Variants in LRRC7 observed in about 807,000 individuals in gnomAD.
LRRC7 encodes the protein leucine-rich repeat-containing protein 7.
A neutral mutation model predicts 175.7 loss-of-function variants in LRRC7; 23 were observed. The observed-to-expected ratio is 0.13, with a 90% CI of 0.09 to 0.19. LRRC7 has a LOEUF of 0.19. Among genes scored for constraint, LRRC7 ranks in the 10% least tolerant of loss-of-function variants. The probability of loss-of-function intolerance (pLI) is 1.00; values close to 1 mark genes in which losing one functional copy is unlikely to be tolerated. For missense variants in LRRC7, 1,354 were observed against 1,904.7 expected (o/e 0.71, Z 5.38); for synonymous variants, 685 against 680.9 (o/e 1.01, Z -0.09).
At chr1:69,935,282 AT>A (rs962791340) in intron 8 of LRRC7, among the ~76,000 whole-genome samples, 2 of 152,034 alleles carry the variant, frequency 1.3e-5, no homozygotes, top group African/African-American at 4.8e-5. Context: ...GAAGGACCTA[AT>A]TTCCTTATCC....
intron 25 of LRRC7, 101 bp from the exon 26 acceptor site, chr1:70,107,651 T>G (rs1665236443): frequency 1.2e-6 from 1 of 822,534 alleles, no homozygotes; most frequent in South Asian, 1.5e-5. Context: ...ATAAACTGTT[T>G]CTGGATCTGT....
intron 7 of LRRC7, among the ~76,000 whole-genome samples, chr1:69,907,712 C>T (rs1368151342): frequency 3.9e-5 from 6 of 152,162 alleles, no homozygotes; most frequent in African/African-American, 1.4e-4. Flanking sequence ...GGACACTGGT[C>T]TAAAATTCTC....
chr1:69,744,959 T>C (rs1466089011), intron 2 of LRRC7, among the ~76,000 whole-genome samples: 1 of 151,910 alleles, frequency 6.6e-6, no homozygotes, highest in African/African-American at 2.4e-5. Context: ...TACATGGTTC[T>C]CTTATAATGG....
chr1:69,606,573 A>C (rs755141516), intron 1 of LRRC7, among the ~76,000 whole-genome samples: 7 of 152,160 alleles, frequency 4.6e-5, no homozygotes, highest in Non-Finnish European at 8.8e-5. Context: ...GTTTTAAATT[A>C]GTATATGAAA....
chr1:69,700,254 G>A (rs1663176247), intron 2 of LRRC7, among the ~76,000 whole-genome samples: 1 of 152,076 alleles, frequency 6.6e-6, no homozygotes, highest in Non-Finnish European at 1.5e-5. Flanking sequence ...GTGTAACTCA[G>A]GCAAGTCACT....
chr1:69,655,447 C>T (rs1656470964), intron 1 of LRRC7, among the ~76,000 whole-genome samples: 1 of 151,898 alleles, frequency 6.6e-6, no homozygotes. Flanking sequence ...ATCCATATTA[C>T]AAGCAGAAAG....
At chr1:69,839,430 A>G (rs1681481826) in intron 7 of LRRC7, among the ~76,000 whole-genome samples, 1 of 152,106 alleles carries the variant, frequency 6.6e-6, no homozygotes, top group Non-Finnish European at 1.5e-5. Flanking sequence ...CCTTTCTCTA[A>G]GCTAAAGCAT....
chr1:70,122,509 T>C lies in LRRC7; in HGVS notation c.*622T>C, dbSNP rs577257281. On this transcript the variant is annotated 3_prime_UTR_variant, in exon 27 of 27. Transcript: ENST00000651989. Reference sequence around the variant, plus strand: ...GTACATATGGTATAAAGTGTTTATATTTGGTTCCATATTCATTTGCTAAAT... The same window carrying C: ...GTACATATGGTATAAAGTGTTTATACTTGGTTCCATATTCATTTGCTAAAT... 2 of 152,200 alleles carry C rather than the reference T, an allele frequency of 1.3e-5. No homozygotes were observed. The highest frequency in any genetic ancestry group is 2.9e-5 in the Non-Finnish European group (2 of 67,924). The allele number at this position is 152,200 out of a possible 1,614,324, so 9.4% of individuals were successfully genotyped here.
intron 11 of LRRC7, 25 bp downstream of exon 11, chr1:69,994,658 T>C: frequency 6.5e-7 from 1 of 1,549,036 alleles, no homozygotes. Context: ...TTCATTCCAG[T>C]CTGCCTCTCA....
rs1339289844 is a variant in LRRC7 at position 70,076,077 on chromosome 1, G to A, written c.4231G>A (p.Ala1411Thr). 5.0e-6 allele frequency: 8 copies of A among 1,613,138 alleles called. No homozygotes were observed. The highest frequency in any genetic ancestry group is 6.8e-6 in the Non-Finnish European group (8 of 1,179,904). ...GCCTGACAGATTATCTTCTCCACAG[G>A]CAGGCAGCCACATCCAGACGTTGAT... ...DVPPDTITKK[A>T]GSHIQTLMGS... is the part of the protein sequence containing the mutation. Residue 1411 changes from alanine to threonine, a missense_variant and splice_region_variant, in exon 24 of 27, where the codon GCA becomes ACA. Physicochemically the swap from Ala to Thr is moderately conservative, Grantham distance 58. This residue lies in a region of LRRC7 where 1,032 missense variants were observed against 1,227.2 expected (regional missense o/e 0.84). Transcript: ENST00000651989.
chr1:70,118,812 C>T (rs1040859765), intron 26 of LRRC7, among the ~76,000 whole-genome samples: 2 of 152,084 alleles, frequency 1.3e-5, no homozygotes, highest in African/African-American at 4.8e-5. Flanking sequence ...AAGGTATTGG[C>T]AAGTAAGCTG....
In LRRC7 at chr1:69,581,857, T is replaced by C. The variant is rs370518206; in HGVS notation, c.2+13216T>C. Among the ~76,000 whole-genome samples the C allele has an allele frequency of 6.0e-4, 91 of 152,330 alleles. 4 individuals are homozygous for C. In the South Asian group the frequency reaches 0.018, roughly 30 times the overall value. On this transcript the variant is annotated intron_variant, in intron 1 of 26. Coordinates refer to ENST00000651989, the MANE Select transcript of LRRC7 (RefSeq NM_001370785.2). ...TGCTTTACAGTTTGGAAGGGCAATT[T>C]ACTCCTGGTCCTTTTATACTTGGAT...
intron 7 of LRRC7, among the ~76,000 whole-genome samples, chr1:69,907,146 T>A (rs1162248164): frequency 6.6e-6 from 1 of 152,170 alleles, no homozygotes; most frequent in Non-Finnish European, 1.5e-5. Flanking sequence ...CTTCTCAGCT[T>A]AAGGAGATTT....
chr1:69,873,529 A>G (rs1422532128), intron 7 of LRRC7: 1 of 529,446 alleles, frequency 1.9e-6, no homozygotes, highest in Non-Finnish European at 3.9e-6. Context: ...GACACCTACA[A>G]CAGAGGATGT....
At chr1:69,939,009 ATATATC>A (rs1201508908) in intron 8 of LRRC7, among the ~76,000 whole-genome samples, 1 of 94,692 alleles carries the variant, frequency 1.1e-5, no homozygotes, top group Non-Finnish European at 2.3e-5. Flanking sequence ...ATATATATAT[ATATATC>A]TATATATATA....
chr1:69,766,161 C>T (rs972983820), intron 3 of LRRC7, among the ~76,000 whole-genome samples: 3 of 152,028 alleles, frequency 2.0e-5, no homozygotes, highest in African/African-American at 7.2e-5. Flanking sequence ...TGTGTTTCCC[C>T]CAGCAGTCAT....
At chr1:69,760,539 C>G in intron 3 of LRRC7, 146 bp downstream of exon 3, 2 of 690,054 alleles carry the variant, frequency 2.9e-6, no homozygotes, top group South Asian at 3.8e-5. Flanking sequence ...CCAATATTCT[C>G]ATTACCTTTT....
intron 7 of LRRC7, among the ~76,000 whole-genome samples, chr1:69,854,903 G>A (rs192551795): frequency 1.3e-5 from 2 of 152,000 alleles, no homozygotes; most frequent in East Asian, 1.9e-4. Context: ...ATGGCGAAGT[G>A]GGGGGGACCT....
intron 7 of LRRC7, among the ~76,000 whole-genome samples, chr1:69,855,053 C>A (rs1441740093): frequency 1.3e-5 from 2 of 152,018 alleles, no homozygotes; most frequent in African/African-American, 2.4e-5. Flanking sequence ...GAATTATACC[C>A]AATATTTTCT....
Sources: gnomAD v4.1 joint callset for allele counts (sites outside exome capture counted in the v4.1 genomes callset) on GRCh38, gnomAD v4.1.1 for gene constraint, gnomAD v4.1.1 regional missense constraint, MANE v1.5 for transcripts, NCBI Gene and HGNC (gene_info 2026-07-23, HGNC 2026-07-21) for gene names.